PTPRK: variants seen among roughly 807,000 people sequenced by gnomAD.
PTPRK encodes the protein protein tyrosine phosphatase receptor type K, also known as receptor-type tyrosine-protein phosphatase kappa.
Under a neutral mutation model 178.0 loss-of-function variants are expected in PTPRK, and 75 were observed. The ratio of observed to expected loss-of-function variants is 0.42; its 90% CI spans 0.35 to 0.51. The LOEUF (loss-of-function observed/expected upper bound fraction) is 0.51, where lower values mean the gene tolerates loss of function less well. Among genes scored for constraint, PTPRK ranks in the 20% least tolerant of loss-of-function variants. PTPRK has a pLI of 0.02. For missense variants in PTPRK, 1,441 were observed against 1,797.8 expected (o/e 0.80, Z 3.59); for synonymous variants, 637 against 620.6 (o/e 1.03, Z -0.39).
At chr6:128,416,314 C>T (rs1441968708) in intron 1 of PTPRK, among the ~76,000 whole-genome samples, 1 of 151,746 alleles carries the variant, frequency 6.6e-6, no homozygotes, top group East Asian at 2.0e-4. Flanking sequence ...TGTTGATGGG[C>T]AGGATCAAGT....
chr6:128,064,716 G>A, intron 13 of PTPRK, 42 bp downstream of exon 13: 1 of 1,569,626 alleles, frequency 6.4e-7, no homozygotes, highest in Non-Finnish European at 8.6e-7. Flanking sequence ...TTAGAAAGGG[G>A]GTGAGAGTAG....
intron 3 of PTPRK, among the ~76,000 whole-genome samples, chr6:128,265,085 G>A (rs1818742117): frequency 1.3e-5 from 2 of 152,114 alleles, no homozygotes; most frequent in Non-Finnish European, 2.9e-5. Context: ...TAATACAAGT[G>A]TGTAGAACAG....
At chr6:128,279,793 G>T (rs1331139328) in intron 3 of PTPRK, among the ~76,000 whole-genome samples, 1 of 152,076 alleles carries the variant, frequency 6.6e-6, no homozygotes, top group Non-Finnish European at 1.5e-5. Context: ...GTACTGAGTG[G>T]AAGAAAGTAT....
chr6:128,000,262 A>G, intron 15 of PTPRK: 2 of 1,254,714 alleles, frequency 1.6e-6, no homozygotes, highest in South Asian at 2.7e-5. Flanking sequence ...TGCCTGTTCT[A>G]TCACCAACTC....
chr6:128,400,639 G>A (rs532516476), intron 1 of PTPRK, among the ~76,000 whole-genome samples: 2 of 152,086 alleles, frequency 1.3e-5, no homozygotes, highest in South Asian at 2.1e-4. Context: ...AACAGAGAGC[G>A]CATAATATAT....
At chr6:128,097,573 C>T (rs1467756005) in intron 7 of PTPRK, among the ~76,000 whole-genome samples, 5 of 152,050 alleles carry the variant, frequency 3.3e-5, no homozygotes, top group East Asian at 1.9e-4. Context: ...CCCAAAATGA[C>T]GGTGACTGAA....
chr6:128,164,098 C>G (rs1302642395), intron 7 of PTPRK, among the ~76,000 whole-genome samples: 1 of 151,460 alleles, frequency 6.6e-6, no homozygotes, highest in Non-Finnish European at 1.5e-5. Flanking sequence ...AGAAGATACC[C>G]CAGCACCAAC....
intron 1 of PTPRK, among the ~76,000 whole-genome samples, chr6:128,434,784 C>T (rs935906848): frequency 6.6e-6 from 1 of 151,974 alleles, no homozygotes; most frequent in Non-Finnish European, 1.5e-5. Context: ...CTTTGAAAGG[C>T]CAAGGTGGGA....
intron 5 of PTPRK, among the ~76,000 whole-genome samples, chr6:128,223,290 A>G (rs911511576): frequency 6.6e-6 from 1 of 152,018 alleles, no homozygotes; most frequent in African/African-American, 2.4e-5. Flanking sequence ...TTAGGCTTTT[A>G]TTAAGTTATA....
At chr6:128,468,262 G>A (rs1304281113) in intron 1 of PTPRK, among the ~76,000 whole-genome samples, 2 of 152,092 alleles carry the variant, frequency 1.3e-5, no homozygotes, top group African/African-American at 4.8e-5. Context: ...ACAATTTGTA[G>A]GAATATTAAC....
At chr6:128,219,844 A>G (rs1399713716) in intron 5 of PTPRK, among the ~76,000 whole-genome samples, 2 of 152,210 alleles carry the variant, frequency 1.3e-5, no homozygotes, top group African/African-American at 4.8e-5. Context: ...TGTATTCCAA[A>G]TGTGTAGCAT....
chr6:128,482,650 G>A (rs1852246385), intron 1 of PTPRK, among the ~76,000 whole-genome samples: 1 of 152,156 alleles, frequency 6.6e-6, no homozygotes, highest in Admixed American at 6.6e-5. Flanking sequence ...AGCCACCCAT[G>A]TACCACTTCA....
At chr6:128,238,761 AG>A (rs1435349326) in intron 5 of PTPRK, among the ~76,000 whole-genome samples, 1 of 152,210 alleles carries the variant, frequency 6.6e-6, no homozygotes, top group Non-Finnish European at 1.5e-5. Flanking sequence ...CAATCTCTGT[AG>A]GAGAAATTAC....
At chr6:128,148,704 C>T (rs763144878) in intron 7 of PTPRK, among the ~76,000 whole-genome samples, 35 of 152,018 alleles carry the variant, frequency 2.3e-4, no homozygotes, top group Non-Finnish European at 4.6e-4. Context: ...TGGCTGATTG[C>T]ACAAAAAGAA....
Position 128,229,523 on chromosome 6 carries a change from T to A in PTPRK, c.694-10427A>T, listed in dbSNP as rs116781321. ...GAACCTGCATCGTTATCTTGAAATA[T>A]GATTTCTTACTAAAACTAAACAGGA... is the stretch of plus-strand genomic sequence containing the variant. On this transcript the variant is annotated intron_variant, in intron 5 of 29. Coordinates refer to ENST00000368226, the MANE Select transcript of PTPRK (RefSeq NM_002844.4). 9.8e-3 allele frequency among the ~76,000 whole-genome samples: 1,496 copies of A among 152,286 alleles called. 19 individuals are homozygous for A. Among genetic ancestry groups the A allele is most frequent in the African/African-American group, 0.034 (1,403 of 41,556 alleles).
At chr6:128,427,500 A>T (rs1235471512) in intron 1 of PTPRK, among the ~76,000 whole-genome samples, 2 of 152,232 alleles carry the variant, frequency 1.3e-5, no homozygotes, top group African/African-American at 4.8e-5. Context: ...GATATGCCAC[A>T]ATATCAGAAA....
chr6:128,366,449 C>T (rs1389205909), intron 2 of PTPRK, among the ~76,000 whole-genome samples: 1 of 152,054 alleles, frequency 6.6e-6, no homozygotes, highest in Non-Finnish European at 1.5e-5. Flanking sequence ...AAAATTGTGG[C>T]TCTTCTTATA....
chr6:128,017,802 GTATATATATATATATATATATA>G (rs34836605), intron 13 of PTPRK, among the ~76,000 whole-genome samples: 1 of 101,258 alleles, frequency 9.9e-6, no homozygotes, highest in Non-Finnish European at 2.0e-5. Flanking sequence ...ATATATATGT[GTATATATATATATATATATATA>G]TATATATATT....
At chr6:128,387,165 G>A (rs1838861654) in intron 2 of PTPRK, among the ~76,000 whole-genome samples, 1 of 152,104 alleles carries the variant, frequency 6.6e-6, no homozygotes, top group Non-Finnish European at 1.5e-5. Context: ...GATCCTAAGG[G>A]GGAAGTTTTA....
Sources: allele counts gnomAD v4.1 joint callset (sites outside exome capture counted in the v4.1 genomes callset), GRCh38; gene constraint gnomAD v4.1.1; transcripts MANE v1.5; gene names NCBI Gene and HGNC (gene_info 2026-07-23, HGNC 2026-07-21).